CMKLR1: variants seen among roughly 807,000 people sequenced by gnomAD.
The protein encoded by CMKLR1 is chemerin-like receptor 1.
CMKLR1 carries 6 observed loss-of-function variants against 8.2 expected under a neutral mutation model. The observed-to-expected ratio is 0.73, with a 90% confidence interval of 0.40 to 1.44. The LOEUF is 1.44. Ranked by LOEUF, CMKLR1 falls within the 40% of genes most tolerant of loss-of-function variation. The pLI is 0.02. For synonymous variants in CMKLR1, 178 were observed against 181.2 expected (o/e 0.98, Z 0.14); for missense variants, 429 against 478.0 (o/e 0.90, Z 0.96).
intron 2 of CMKLR1, among the ~76,000 whole-genome samples, chr12:108,316,042 C>A (rs750363354): frequency 7.2e-5 from 11 of 152,134 alleles, no homozygotes; most frequent in Non-Finnish European, 1.6e-4. Flanking sequence ...GGATGTGTTC[C>A]CCCCAGGAAG....
chr12:108,294,402 A>G (rs1891074131), intron 2 of CMKLR1, among the ~76,000 whole-genome samples: 1 of 152,170 alleles, frequency 6.6e-6, no homozygotes, highest in Non-Finnish European at 1.5e-5. Context: ...TTTCCAGTCT[A>G]TGGAAGAACA....
At position 108,295,663 on chromosome 12, in the gene CMKLR1, G is replaced by A. The variant is rs962301470; in HGVS notation, c.-73-1999C>T. Among the ~76,000 whole-genome samples the A allele has an allele frequency of 8.5e-5, 13 of 152,340 alleles. 1 individual carries two copies. In the East Asian group the frequency reaches 1.4e-3, roughly 16 times the overall value. ...AGGACAAGTATGAGTTAAGAAGGTG[G>A]AAGGCAGAGAAAGGAGGAAGGGCAC... On this transcript the variant is annotated intron_variant, in intron 2 of 3. Transcript: ENST00000550402.
chr12:108,329,457 G>A (rs1593179621), intron 2 of CMKLR1, among the ~76,000 whole-genome samples: 2 of 152,150 alleles, frequency 1.3e-5, no homozygotes, highest in African/African-American at 2.4e-5. Flanking sequence ...CTTCCTTCTC[G>A]AAGCACTATT....
chr12:108,299,732 C>A (rs533562529), intron 2 of CMKLR1, among the ~76,000 whole-genome samples: 1 of 152,172 alleles, frequency 6.6e-6, no homozygotes, highest in South Asian at 2.1e-4. Context: ...GGATGCTGCC[C>A]CAAGCCAAAG....
chr12:108,306,905 G>C (rs1395129247), intron 2 of CMKLR1, among the ~76,000 whole-genome samples: 2 of 152,170 alleles, frequency 1.3e-5, no homozygotes, highest in Non-Finnish European at 2.9e-5. Context: ...TCCCCAGCAA[G>C]AGCATTTGAT....
intron 2 of CMKLR1, among the ~76,000 whole-genome samples, chr12:108,305,425 C>T (rs1891382486): frequency 6.6e-6 from 1 of 152,218 alleles, no homozygotes; most frequent in South Asian, 2.1e-4. Context: ...AGTCACCACT[C>T]TTGCCCTCAA....
chr12:108,304,096 G>T (rs1020974390), intron 2 of CMKLR1, among the ~76,000 whole-genome samples: 1 of 152,198 alleles, frequency 6.6e-6, no homozygotes, highest in African/African-American at 2.4e-5. Flanking sequence ...TTGGTTGATC[G>T]ATGACAGTGT....
rs1207561102 is a variant in CMKLR1, at chr12:108,290,730, C to A, written c.*1111G>T. The A allele has an allele frequency of 6.6e-6, 1 of 152,200 alleles. No homozygotes were observed. Among genetic ancestry groups the A allele is most frequent in the African/African-American group, 2.4e-5 (1 of 41,434 alleles). 9.4% of individuals were successfully genotyped at this position (152,200 alleles called of 1,614,324 possible). On this transcript the variant is annotated 3_prime_UTR_variant, in exon 4 of 4. Coordinates refer to ENST00000550402, the MANE Select transcript of CMKLR1 (RefSeq NM_001142343.2). ...GTATCCAGGAGGTATTTGGTGTCTGCAGCTCAGAAACACAGTTCAAGGAGT... is the reference window on the plus strand; with the variant it reads ...GTATCCAGGAGGTATTTGGTGTCTGAAGCTCAGAAACACAGTTCAAGGAGT...
intron 1 of CMKLR1, among the ~76,000 whole-genome samples, chr12:108,338,429 A>T (rs552568069): frequency 1.3e-5 from 2 of 152,328 alleles, no homozygotes; most frequent in South Asian, 4.1e-4. Flanking sequence ...TCGACTTCAC[A>T]TCAGGGAAAG....
intron 2 of CMKLR1, among the ~76,000 whole-genome samples, chr12:108,300,162 T>C (rs915390364): frequency 6.6e-6 from 1 of 152,204 alleles, no homozygotes; most frequent in Non-Finnish European, 1.5e-5. Flanking sequence ...CAGGGCGCCA[T>C]GTGGCTTGAG....
At chr12:108,318,871 C>T (rs1891793516) in intron 2 of CMKLR1, among the ~76,000 whole-genome samples, 1 of 152,146 alleles carries the variant, frequency 6.6e-6, no homozygotes, top group Admixed American at 6.5e-5. Flanking sequence ...GATCACATTC[C>T]CAAGGTGTGG....
intron 2 of CMKLR1, among the ~76,000 whole-genome samples, chr12:108,297,580 CT>C (rs1891169787): frequency 6.6e-6 from 1 of 152,194 alleles, no homozygotes; most frequent in Admixed American, 6.5e-5. Context: ...CATAATAGCC[CT>C]GTAAAAATAA....
At chr12:108,331,872 T>C (rs1051816088) in intron 1 of CMKLR1, among the ~76,000 whole-genome samples, 2 of 152,192 alleles carry the variant, frequency 1.3e-5, no homozygotes, top group African/African-American at 2.4e-5. Context: ...TCTTTGATTT[T>C]AGCCCAGTGA....
chr12:108,311,995 T>C (rs1203152033), intron 2 of CMKLR1, among the ~76,000 whole-genome samples: 1 of 152,138 alleles, frequency 6.6e-6, no homozygotes, highest in African/African-American at 2.4e-5. Flanking sequence ...AAGCATCCCC[T>C]TGCTTCTCCC....
intron 1 of CMKLR1, among the ~76,000 whole-genome samples, chr12:108,338,394 C>T (rs1892280252): frequency 6.6e-6 from 1 of 152,094 alleles, no homozygotes; most frequent in South Asian, 2.1e-4. Context: ...AATGAAATGC[C>T]TATTGAAGCA....
chr12:108,328,520 C>G (rs545716752), intron 2 of CMKLR1, among the ~76,000 whole-genome samples: 1 of 152,214 alleles, frequency 6.6e-6, no homozygotes, highest in African/African-American at 2.4e-5. Flanking sequence ...CCAGCCAGCA[C>G]GTGGCTGAAA....
At chr12:108,316,969 T>TG (rs1445673773) in intron 2 of CMKLR1, among the ~76,000 whole-genome samples, 2 of 93,522 alleles carry the variant, frequency 2.1e-5, no homozygotes, top group Admixed American at 2.5e-4. Context: ...ACCCCACTAA[T>TG]TTTTTTTGTA....
At chr12:108,298,309 T>C (rs553165748) in intron 2 of CMKLR1, among the ~76,000 whole-genome samples, 3 of 152,322 alleles carry the variant, frequency 2.0e-5, no homozygotes, top group Non-Finnish European at 2.9e-5. Flanking sequence ...TCAAGCACTT[T>C]CATTGCATCA....
rs549426894 is a variant in CMKLR1, at chr12:108,311,544, T to C, written c.-73-17880A>G. ...AGGAGGCTAAGGTGGGAGGCTCGCT[T>C]GAGCCCAGGAAGTCGAGGCTGCAGT... is the stretch of plus-strand genomic sequence containing the variant. On this transcript the variant is annotated intron_variant, in intron 2 of 3. Transcript: ENST00000550402. Among the ~76,000 whole-genome samples, 7 of 152,312 alleles carry C rather than the reference T, an allele frequency of 4.6e-5. No homozygotes were observed. In the South Asian group the frequency reaches 1.5e-3, roughly 32 times the overall value.
Sources: allele counts gnomAD v4.1 joint callset (sites outside exome capture counted in the v4.1 genomes callset), GRCh38; gene constraint gnomAD v4.1.1; transcripts MANE v1.5; gene names NCBI Gene and HGNC (gene_info 2026-07-23, HGNC 2026-07-21).